PCDHGB4: variants seen among roughly 807,000 people sequenced by gnomAD.
The protein encoded by PCDHGB4 is protocadherin gamma subfamily B, 4, also known as protocadherin gamma-B4.
In PCDHGB4, 38 loss-of-function variants were observed where a neutral mutation model predicts 60.5. The ratio of observed to expected loss-of-function variants is 0.63; its 90% CI spans 0.48 to 0.82. The LOEUF is 0.82. PCDHGB4 is among the 40% of genes least tolerant of loss of function. PCDHGB4 has a pLI of 0.00. For missense variants in PCDHGB4, 1,109 were observed against 1,209.6 expected, an observed-to-expected ratio of 0.92 and a Z score of 1.23; for synonymous variants, 456 against 509.7, an observed-to-expected ratio of 0.89 and a Z score of 1.42.
intron 1 of PCDHGB4, chr5:141,400,255 C>T: frequency 6.2e-7 from 1 of 1,614,046 alleles, no homozygotes; most frequent in Non-Finnish European, 8.5e-7. Flanking sequence ...CGTTGCCTTG[C>T]GCCTGCGACG....
Position 141,486,006 on chromosome 5 carries a change from C to G in PCDHGB4, c.2398-8801C>G, listed in dbSNP as rs1394484191. The G allele has an allele frequency of 1.9e-6, 3 of 1,614,190 alleles. No individual in the cohort carries two copies. The highest frequency in any genetic ancestry group is 1.1e-5 in the South Asian group (1 of 91,084). On this transcript the variant is annotated intron_variant, in intron 1 of 3. Transcript: ENST00000519479. The surrounding 1 kb of genome is among the most constrained non-coding windows in gnomAD (Gnocchi z 5.0). Reference sequence around the variant, plus strand: ...GACCTGGGTCCCAGTGGTAACGTCACCTTTTATTTCAGTGGTCATACCCCT... The same window carrying G: ...GACCTGGGTCCCAGTGGTAACGTCAGCTTTTATTTCAGTGGTCATACCCCT...
At position 141,476,873 on chromosome 5, in the gene PCDHGB4, G is replaced by C; in HGVS notation, c.2398-17934G>C. On this transcript the variant is annotated intron_variant, in intron 1 of 3. Coordinates refer to ENST00000519479, the MANE Select transcript of PCDHGB4 (RefSeq NM_003736.4). This position sits in a 1 kb window ranked among gnomAD's most constrained non-coding sequence, Gnocchi z 7.6. ...CAACCAGTCCTTGTACCGGGCGCGC[G>C]TCCTGGAGGATGCACCCTCCGGCAC... 1 of 1,613,936 alleles carries C rather than the reference G, an allele frequency of 6.2e-7. No homozygotes were observed. Among genetic ancestry groups the C allele is most frequent in the South Asian group, 1.1e-5 (1 of 91,088 alleles).
At chr5:141,452,134 T>C (rs539377216) in intron 1 of PCDHGB4, among the ~76,000 whole-genome samples, 2 of 152,344 alleles carry the variant, frequency 1.3e-5, no homozygotes, top group South Asian at 2.1e-4. Flanking sequence ...ATATGGCTCA[T>C]GTGTTTTTTC....
chr5:141,500,318 C>T (rs1005060282), intron 2 of PCDHGB4, among the ~76,000 whole-genome samples: 3 of 151,948 alleles, frequency 2.0e-5, no homozygotes, highest in African/African-American at 7.3e-5. Context: ...ACGCCATGCT[C>T]CTGCCTCAGC....
Position 141,432,149 on chromosome 5 carries a change from A to G in PCDHGB4, c.2397+41868A>G. The G allele has an allele frequency of 6.2e-7, 1 of 1,613,964 alleles. No individual in the cohort carries two copies. The highest frequency in any genetic ancestry group is 8.5e-7 in the Non-Finnish European group (1 of 1,179,986). On this transcript the variant is annotated intron_variant, in intron 1 of 3. Transcript: ENST00000519479. This position sits in a 1 kb window ranked among gnomAD's most constrained non-coding sequence, Gnocchi z 6.0. Reference sequence around the variant, plus strand: ...CTCCTATTCCGCTTATATCCCAGAGAACAATCCCAGAGGAGTTTCCCTCGT... The same window carrying G: ...CTCCTATTCCGCTTATATCCCAGAGGACAATCCCAGAGGAGTTTCCCTCGT...
intron 1 of PCDHGB4, chr5:141,411,313 T>C (rs970801897): frequency 6.6e-5 from 10 of 152,224 alleles, no homozygotes; most frequent in African/African-American, 2.4e-4. Context: ...CTCACACCTA[T>C]AATCACAGCA....
intron 1 of PCDHGB4, chr5:141,403,541 G>A (rs1332209242): frequency 6.2e-7 from 1 of 1,614,016 alleles, no homozygotes. Context: ...GCTGGTGCTG[G>A]AGCGCGCCCT....
intron 1 of PCDHGB4, chr5:141,403,862 G>A (rs1370445288): frequency 1.2e-6 from 2 of 1,613,508 alleles, no homozygotes; most frequent in East Asian, 2.2e-5. Flanking sequence ...AATATCAACA[G>A]CAAAAAGTCT....
intron 2 of PCDHGB4, among the ~76,000 whole-genome samples, chr5:141,499,352 CA>C (rs2099791418): frequency 6.6e-6 from 1 of 152,058 alleles, no homozygotes; most frequent in South Asian, 2.1e-4. Context: ...AGTCATTCAA[CA>C]AACAAATAGC....
chr5:141,394,269 C>T (rs367765478), intron 1 of PCDHGB4: 2 of 1,613,948 alleles, frequency 1.2e-6, no homozygotes, highest in Admixed American at 3.3e-5. Context: ...GGAGAATGCC[C>T]AGGTCACTTA....
chr5:141,419,315 C>A lies in PCDHGB4; in HGVS notation c.2397+29034C>A, dbSNP rs2096357855. ...TGACCCAGACTTCGGGCTCAACGGC[C>A]GTGTCTCCTACTCTCTCATTGCCAG... On this transcript the variant is annotated intron_variant, in intron 1 of 3. Transcript: ENST00000519479. 3 of 1,613,880 alleles carry A rather than the reference C, an allele frequency of 1.9e-6. No homozygotes were observed. Among genetic ancestry groups the A allele is most frequent in the Non-Finnish European group, 2.5e-6 (3 of 1,179,910 alleles).
rs779065098 is a variant in PCDHGB4, at chr5:141,491,758, C to G, written c.2398-3049C>G. The G allele has an allele frequency of 1.9e-6, 3 of 1,578,788 alleles. No individual in the cohort carries two copies. The highest frequency in any genetic ancestry group is 1.7e-4 in the Middle Eastern group (1 of 5,954). ...TGGGGGCGGCACTGGAGAAGCCGCCCGTCCTCATAAGGGATTGAACTTGCA... is the reference window on the plus strand; with the variant it reads ...TGGGGGCGGCACTGGAGAAGCCGCCGGTCCTCATAAGGGATTGAACTTGCA... On this transcript the variant is annotated intron_variant, in intron 1 of 3. Transcript: ENST00000519479. This position sits in a 1 kb window ranked among gnomAD's most constrained non-coding sequence, Gnocchi z 6.9.
chr5:141,399,430 A>G (rs758530359), intron 1 of PCDHGB4: 12 of 1,614,016 alleles, frequency 7.4e-6, no homozygotes, highest in Non-Finnish European at 1.0e-5. Context: ...CATAAGCGTC[A>G]TCCTACATAT....
Position 141,389,927 on chromosome 5 carries a change from C to A in PCDHGB4, c.2043C>A (p.Asp681Glu), listed in dbSNP as rs2091975121. 1.2e-6 allele frequency: 2 copies of A among 1,613,944 alleles called. No individual in the cohort carries two copies. The highest frequency in any genetic ancestry group is 2.7e-5 in the African/African-American group (2 of 74,952). Reference sequence around the variant, plus strand: ...TCACTGACCGCCCCGACCCCTCTGACCTCCAGGCTGAGCTGCAGTTTTACC... The same window carrying A: ...TCACTGACCGCCCCGACCCCTCTGAACTCCAGGCTGAGCTGCAGTTTTACC... ...PDITDRPDPS[D>E]LQAELQFYLV... The change falls in exon 1 of 4, where the codon GAC (aspartate) becomes GAA (glutamate). Residue 681 changes from aspartate (D) to glutamate (E), a missense_variant. Physicochemically the swap from Asp to Glu is conservative, Grantham distance 45. Transcript: ENST00000519479.
chr5:141,501,290 T>TACACACAC (rs55762287), intron 2 of PCDHGB4, among the ~76,000 whole-genome samples: 94 of 136,244 alleles, frequency 6.9e-4, no homozygotes, highest in Admixed American at 2.2e-3. Context: ...TATTCCCTTA[T>TACACACAC]ACACACACAC....
At chr5:141,401,838 T>C in intron 1 of PCDHGB4, among the ~76,000 whole-genome samples, 1 of 152,232 alleles carries the variant, frequency 6.6e-6, no homozygotes, top group East Asian at 1.9e-4. Context: ...TTTCTTATAA[T>C]ACCACTTACT....
At position 141,414,031 on chromosome 5, in the gene PCDHGB4, C is replaced by G. The variant is rs900884760; in HGVS notation, c.2397+23750C>G. The G allele has an allele frequency of 1.2e-6, 2 of 1,611,740 alleles. No homozygotes were observed. The highest frequency in any genetic ancestry group is 2.7e-5 in the African/African-American group (2 of 74,762). On this transcript the variant is annotated intron_variant, in intron 1 of 3. Coordinates refer to ENST00000519479, the MANE Select transcript of PCDHGB4 (RefSeq NM_003736.4). ...CAATGGAGAAGTGACATATTCATTC[C>G]GAAAATTACCTGACACGCAATTGTT... is the stretch of plus-strand genomic sequence containing the variant.
chr5:141,428,120 C>G (rs756805763), intron 1 of PCDHGB4: 2 of 1,606,528 alleles, frequency 1.2e-6, no homozygotes, highest in South Asian at 1.1e-5. Context: ...CCATCGAGCC[C>G]GGGCTTTTCA....
Position 141,412,876 on chromosome 5 carries a change from A to G in PCDHGB4, c.2397+22595A>G, listed in dbSNP as rs1206092699. 12 of 281,096 alleles carry G rather than the reference A, an allele frequency of 4.3e-5. No homozygotes were observed. The East Asian group carries it at 7.9e-4, about 19-fold the overall frequency. The allele number at this position is 281,096 out of a possible 1,614,324, so 17.4% of individuals were successfully genotyped here. A position where few individuals can be genotyped will look rare whatever the true frequency, so the allele number is the denominator to read the frequency against. On this transcript the variant is annotated intron_variant, in intron 1 of 3. Coordinates refer to ENST00000519479, the MANE Select transcript of PCDHGB4 (RefSeq NM_003736.4). ...CAAAGAATCTATGTAAAATATAATAATCCAACAGAATAGTTTACTTTCCAT... is the reference window on the plus strand; with the variant it reads ...CAAAGAATCTATGTAAAATATAATAGTCCAACAGAATAGTTTACTTTCCAT...
Sources: gnomAD v4.1 joint callset for allele counts (sites outside exome capture counted in the v4.1 genomes callset) on GRCh38, gnomAD v4.1.1 for gene constraint, Gnocchi (gnomAD v3.1) non-coding constraint, MANE v1.5 for transcripts, NCBI Gene and HGNC (gene_info 2026-07-23, HGNC 2026-07-21) for gene names.